Variants in ZNF431 observed in about 807,000 individuals in gnomAD.
ZNF431 encodes zinc finger protein 431.
Under a neutral mutation model 57.0 loss-of-function variants are expected in ZNF431, and 34 were observed. That is an observed-to-expected ratio of 0.60 (90% confidence interval 0.45 to 0.79). The LOEUF is 0.79. Ranked by LOEUF, ZNF431 falls within the 30% of genes least tolerant of loss-of-function variation. ZNF431 has a pLI of 0.00. For synonymous variants in ZNF431, 207 were observed against 220.3 expected, an observed-to-expected ratio of 0.94 and a Z score of 0.54; for missense variants, 607 against 667.1, an observed-to-expected ratio of 0.91 and a Z score of 0.99.
At chr19:21,162,991 CA>C (rs548542414) in intron 2 of ZNF431, among the ~76,000 whole-genome samples, 26 of 152,108 alleles carry the variant, frequency 1.7e-4, no homozygotes, top group African/African-American at 6.0e-4. Flanking sequence ...TTATTCTATA[CA>C]TTTTATTTTT....
At chr19:21,161,564 AG>A (rs1970565296) in intron 2 of ZNF431, among the ~76,000 whole-genome samples, 1 of 152,224 alleles carries the variant, frequency 6.6e-6, no homozygotes, top group Non-Finnish European at 1.5e-5. Flanking sequence ...AGGTAAACTT[AG>A]GAAAAACTGA....
Position 21,187,469 on chromosome 19 carries a change from T to A in ZNF431, c.*3435T>A, listed in dbSNP as rs1599627984. The A allele has an allele frequency of 7.0e-6, 1 of 143,354 alleles. No homozygotes were observed. The highest frequency in any genetic ancestry group is 1.5e-5 in the Non-Finnish European group (1 of 66,328). 8.9% of individuals were successfully genotyped at this position (143,354 alleles called of 1,614,324 possible). A position where few individuals can be genotyped will look rare whatever the true frequency, so the allele number is the denominator to read the frequency against. The stretch of plus-strand genomic sequence containing the variant: ...AAAAAAAAAAAAGAGCTGGGCGTGG[T>A]GGCTCACGCCTGTAATCCCAGCACT... On this transcript the variant is annotated 3_prime_UTR_variant, in exon 5 of 5. Coordinates refer to ENST00000311048, the MANE Select transcript of ZNF431 (RefSeq NM_133473.4).
At chr19:21,180,289 C>A (rs941219423) in intron 4 of ZNF431, among the ~76,000 whole-genome samples, 3 of 152,154 alleles carry the variant, frequency 2.0e-5, no homozygotes, top group Admixed American at 2.0e-4. Context: ...CTTTGTACTT[C>A]AGTGTGTTTT....
intron 1 of ZNF431, 61 bp downstream of exon 1, chr19:21,142,247 G>A: frequency 6.2e-7 from 1 of 1,611,366 alleles, no homozygotes; most frequent in Middle Eastern, 1.7e-4. Context: ...CCGGTGGGAA[G>A]TGGCTGTGGC....
Position 21,150,758 on chromosome 19 carries a change from A to T in ZNF431, c.96+7115A>T, listed in dbSNP as rs1403273635. Among the ~76,000 whole-genome samples, 3 of 152,214 alleles carry T rather than the reference A, an allele frequency of 2.0e-5. No homozygotes were observed. The East Asian group carries it at 5.8e-4, about 29-fold the overall frequency. On this transcript the variant is annotated intron_variant, in intron 2 of 4. Transcript: ENST00000311048. The stretch of plus-strand genomic sequence containing the variant: ...TGAGTATTTCCCCATAATTGCCATT[A>T]GCCATTCCAAAAGTATAGTTCTCAC...
rs1970007107 is a variant in ZNF431 at position 21,143,768 on chromosome 19, T to A, written c.96+125T>A. On this transcript the variant is annotated intron_variant, in intron 2 of 4. Coordinates refer to ENST00000311048, the MANE Select transcript of ZNF431 (RefSeq NM_133473.4). ...AAACACAGAAATAATGTATGCCCCC[T>A]GGATTGTCTTAGGGGGCAGAAAGAT... The A allele has an allele frequency of 1.4e-5, 9 of 646,822 alleles. No homozygotes were observed. The Admixed American group carries it at 1.7e-4, about 12-fold the overall frequency. The allele number at this position is 646,822 out of a possible 1,614,324, so 40.1% of individuals were successfully genotyped here.
At position 21,195,730 on chromosome 19, in the gene ZNF431, C is replaced by G. The variant is rs1221245594; in HGVS notation, c.*11696C>G. ...ATTATCTATTAAAAACCTGTGGCAG[C>G]TCATGGTATTATTGACCATATGTTC... On this transcript the variant is annotated 3_prime_UTR_variant, in exon 5 of 5. Coordinates refer to ENST00000311048, the MANE Select transcript of ZNF431 (RefSeq NM_133473.4). The G allele has an allele frequency of 6.6e-6, 1 of 152,116 alleles. No individual in the cohort carries two copies. The allele number at this position is 152,116 out of a possible 1,614,324, so 9.4% of individuals were successfully genotyped here.
At chr19:21,156,905 G>A (rs527606344) in intron 2 of ZNF431, among the ~76,000 whole-genome samples, 1 of 152,232 alleles carries the variant, frequency 6.6e-6, no homozygotes, top group East Asian at 1.9e-4. Context: ...CCCCAAAGTA[G>A]CTGGGACTAC....
chr19:21,176,538 C>A (rs928114110), intron 4 of ZNF431, among the ~76,000 whole-genome samples: 1 of 151,716 alleles, frequency 6.6e-6, no homozygotes, highest in Non-Finnish European at 1.5e-5. Context: ...CCACTGTGCC[C>A]GGCCTTTGTT....
chr19:21,142,258 G>T, intron 1 of ZNF431, 72 bp downstream of exon 1: 2 of 1,605,746 alleles, frequency 1.2e-6, no homozygotes, highest in South Asian at 2.2e-5. Context: ...TGGCTGTGGC[G>T]GGACTCAGGC....
chr19:21,183,302 A>G lies in ZNF431; in HGVS notation c.999A>G (p.Thr333=). The stretch of plus-strand genomic sequence containing the variant: ...TTAACCAGTCTTCAACCCTTAGTAC[A>G]CATAAGTTCATTCATGCTGGAGAGA... ...KAFNQSSTLS[T]HKFIHAGEKP... The change falls in exon 5 of 5, where the codon ACA becomes ACG. Residue 333 remains threonine (T), a synonymous_variant. Transcript: ENST00000311048. The G allele has an allele frequency of 6.2e-7, 1 of 1,614,014 alleles. No individual in the cohort carries two copies. Among genetic ancestry groups the G allele is most frequent in the African/African-American group, 1.3e-5 (1 of 75,050 alleles).
rs987249898 is a variant in ZNF431, at chr19:21,142,133, G to C, written c.-51G>C. On this transcript the variant is annotated 5_prime_UTR_variant, in exon 1 of 5. Transcript: ENST00000311048. ...AACATCTGTGGCCCTGTGACCTGCAGGTATTGGGAGACCCACAGCTAAGAC... is the reference window on the plus strand; with the variant it reads ...AACATCTGTGGCCCTGTGACCTGCACGTATTGGGAGACCCACAGCTAAGAC... 2 of 1,611,052 alleles carry C rather than the reference G, an allele frequency of 1.2e-6. No homozygotes were observed. The highest frequency in any genetic ancestry group is 3.3e-4 in the Middle Eastern group (2 of 6,044).
In ZNF431 at chr19:21,194,215, C is replaced by A. The variant is rs767261028; in HGVS notation, c.*10181C>A. The A allele has an allele frequency of 6.6e-6, 1 of 152,166 alleles. No homozygotes were observed. The highest frequency in any genetic ancestry group is 1.5e-5 in the Non-Finnish European group (1 of 68,030). The allele number at this position is 152,166 out of a possible 1,614,324, so 9.4% of individuals were successfully genotyped here. ...GAATAGCATTGCCTTACACCAATAA[C>A]ATTCAAGCTGAGAACAAAATCAAGA... On this transcript the variant is annotated 3_prime_UTR_variant, in exon 5 of 5. Transcript: ENST00000311048.
chr19:21,149,248 T>C (rs1970195316), intron 2 of ZNF431, among the ~76,000 whole-genome samples: 2 of 152,230 alleles, frequency 1.3e-5, no homozygotes, highest in African/African-American at 4.8e-5. Context: ...ATAGGTAAAT[T>C]GAACAATTTT....
chr19:21,146,375 A>C (rs1970095164), intron 2 of ZNF431, among the ~76,000 whole-genome samples: 1 of 144,788 alleles, frequency 6.9e-6, no homozygotes, highest in African/African-American at 2.6e-5. Context: ...GTGCCACTGC[A>C]CTCCAGCCTG....
In ZNF431 at chr19:21,151,828, C is replaced by T. The variant is rs1406813378; in HGVS notation, c.96+8185C>T. On this transcript the variant is annotated intron_variant, in intron 2 of 4. Transcript: ENST00000311048. ...TTAAGACTAACCTCACAAATGCATT[C>T]CCATATTAATTAGAACTTTACATAG... Among the ~76,000 whole-genome samples the T allele has an allele frequency of 3.9e-5, 6 of 152,278 alleles. No homozygotes were observed. In the East Asian group the frequency reaches 5.8e-4, roughly 15 times the overall value.
intron 2 of ZNF431, among the ~76,000 whole-genome samples, chr19:21,165,706 G>T (rs975790844): frequency 6.6e-6 from 1 of 150,984 alleles, no homozygotes; most frequent in Non-Finnish European, 1.5e-5. Context: ...TTTTTCTTAG[G>T]TTTTTTTGTT....
chr19:21,168,189 G>C (rs1190224002), intron 4 of ZNF431, among the ~76,000 whole-genome samples: 1 of 151,718 alleles, frequency 6.6e-6, no homozygotes, highest in African/African-American at 2.4e-5. Context: ...CCTCTGCTTT[G>C]TTCTTTTTTC....
At position 21,186,666 on chromosome 19, in the gene ZNF431, A is replaced by G. The variant is rs1215472260; in HGVS notation, c.*2632A>G. 6.6e-6 allele frequency: 1 copy of G among 152,200 alleles called. No individual in the cohort carries two copies. Among genetic ancestry groups the G allele is most frequent in the Non-Finnish European group, 1.5e-5 (1 of 68,028 alleles). The allele number at this position is 152,200 out of a possible 1,614,324, so 9.4% of individuals were successfully genotyped here. ...CTCTGTATATACTTGCCTGGTACTCATGCTAGACCCATACTTTTTTTGTTT... is the reference window on the plus strand; with the variant it reads ...CTCTGTATATACTTGCCTGGTACTCGTGCTAGACCCATACTTTTTTTGTTT... On this transcript the variant is annotated 3_prime_UTR_variant, in exon 5 of 5. Transcript: ENST00000311048.
Sources: allele counts gnomAD v4.1 joint callset (sites outside exome capture counted in the v4.1 genomes callset), GRCh38; gene constraint gnomAD v4.1.1; transcripts MANE v1.5; gene names NCBI Gene and HGNC (gene_info 2026-07-23, HGNC 2026-07-21).